The following SPRED1 variants were observed in gnomAD, a reference collection of about 807,000 sequenced individuals.
The protein encoded by SPRED1 is sprouty related EVH1 domain containing 1.
Under a neutral mutation model 52.3 loss-of-function variants are expected in SPRED1, and 18 were observed. That is an observed-to-expected ratio of 0.34 (90% CI 0.24 to 0.51). SPRED1 has a LOEUF of 0.51. Among genes scored for constraint, SPRED1 ranks in the 20% least tolerant of loss-of-function variants. SPRED1 has a pLI of 0.97. For synonymous variants in SPRED1, 155 were observed against 179.7 expected (o/e 0.86, Z 1.10); for missense variants, 485 against 551.0 (o/e 0.88, Z 1.20).
intron 2 of SPRED1, among the ~76,000 whole-genome samples, chr15:38,316,190 T>C (rs1188489537): frequency 3.9e-5 from 6 of 152,000 alleles, no homozygotes; most frequent in African/African-American, 1.4e-4. Context: ...CCTGGTGTAG[T>C]ATAAGGAAAC....
At chr15:38,263,517 G>A (rs1186230996) in intron 1 of SPRED1, among the ~76,000 whole-genome samples, 1 of 152,196 alleles carries the variant, frequency 6.6e-6, no homozygotes, top group Non-Finnish European at 1.5e-5. Context: ...GACGCCAAAA[G>A]ACGGAAGTGG....
intron 5 of SPRED1, among the ~76,000 whole-genome samples, chr15:38,343,026 G>T (rs184630292): frequency 2.0e-4 from 30 of 152,248 alleles, no homozygotes; most frequent in Admixed American, 1.8e-3. Flanking sequence ...AGTGAGTTAA[G>T]AAAGAGCGGT....
chr15:38,321,092 T>C (rs8038136), intron 2 of SPRED1, among the ~76,000 whole-genome samples: 139,225 of 152,184 alleles, frequency 0.91, 64,955 homozygotes, highest in East Asian at 1. Context: ...CATAAGAGAA[T>C]AGTATTGCAC....
At position 38,351,899 on chromosome 15, in the gene SPRED1, G is replaced by T; in HGVS notation, c.*235G>T. The T allele has an allele frequency of 1.7e-6, 1 of 589,176 alleles. No individual in the cohort carries two copies. The highest frequency in any genetic ancestry group is 3.0e-6 in the Non-Finnish European group (1 of 335,128). The allele number at this position is 589,176 out of a possible 1,614,324, so 36.5% of individuals were successfully genotyped here. On this transcript the variant is annotated 3_prime_UTR_variant, in exon 7 of 7. Transcript: ENST00000299084. ...GTATTTGCAGAAGGAAACCATTTCT[G>T]GTTATTTGGCTATAAAAAGTCAGCA...
At chr15:38,350,228 C>G (rs1888453139) in intron 6 of SPRED1, among the ~76,000 whole-genome samples, 1 of 152,160 alleles carries the variant, frequency 6.6e-6, no homozygotes, top group South Asian at 2.1e-4. Flanking sequence ...TCTTCTGAGG[C>G]CTTTCTTCTT....
At position 38,253,271 on chromosome 15, in the gene SPRED1, G is replaced by A. The variant is rs181208172; in HGVS notation, c.32+54G>A. On this transcript the variant is annotated intron_variant, in intron 1 of 6. Coordinates refer to ENST00000299084, the MANE Select transcript of SPRED1 (RefSeq NM_152594.3). ...ATCCCCCTCCCCCTATCCGCCCTCG[G>A]CTCTCCCCCAGACCCATCCGAAACT... The A allele has an allele frequency of 8.4e-5, 129 of 1,533,236 alleles. No homozygotes were observed. The African/African-American group carries it at 1.5e-3, about 18-fold the overall frequency. The allele number at this position is 1,533,236 out of a possible 1,614,324, so 95.0% of individuals were successfully genotyped here. A position where few individuals can be genotyped will look rare whatever the true frequency, so the allele number is the denominator to read the frequency against.
rs1308289840 is a variant in SPRED1 at position 38,351,922 on chromosome 15, G to A, written c.*258G>A. ...CTGGTTATTTGGCTATAAAAAGTCAGCATAAAATATGATCCAACTAAAAGG... is the reference window on the plus strand; with the variant it reads ...CTGGTTATTTGGCTATAAAAAGTCAACATAAAATATGATCCAACTAAAAGG... On this transcript the variant is annotated 3_prime_UTR_variant, in exon 7 of 7. Coordinates refer to ENST00000299084, the MANE Select transcript of SPRED1 (RefSeq NM_152594.3). 1.8e-5 allele frequency: 10 copies of A among 556,794 alleles called. No homozygotes were observed. Among genetic ancestry groups the A allele is most frequent in the Non-Finnish European group, 1.9e-5 (6 of 313,332 alleles). 34.5% of individuals were successfully genotyped at this position (556,794 alleles called of 1,614,324 possible).
At chr15:38,307,112 C>T (rs540094315) in intron 2 of SPRED1, among the ~76,000 whole-genome samples, 2 of 152,304 alleles carry the variant, frequency 1.3e-5, no homozygotes, top group East Asian at 3.9e-4. Context: ...CTCAAATTAT[C>T]GACCATACTT....
intron 4 of SPRED1, among the ~76,000 whole-genome samples, chr15:38,329,832 A>G (rs1895774907): frequency 6.6e-6 from 1 of 152,136 alleles, no homozygotes; most frequent in Admixed American, 6.5e-5. Context: ...CATTGGGATC[A>G]TACTTCTAAA....
At position 38,299,491 on chromosome 15, in the gene SPRED1, G is replaced by A; in HGVS notation, c.151G>A (p.Glu51Lys). ...CACTGTCTTCAAAGTCCCTCATCAG[G>A]AAGAGAATGGCTGTGCTGACTTTTT... is the stretch of plus-strand genomic sequence containing the variant. Reference protein sequence around the residue: ...SVTVFKVPHQEENGCADFFIR... With the variant: ...SVTVFKVPHQKENGCADFFIR... The change falls in exon 2 of 7, where the codon GAA (glutamate) becomes AAA (lysine). Residue 51 changes from glutamate to lysine, a missense_variant. Around this residue, in one of 5 missense-constraint regions of SPRED1, gnomAD observed 232 missense variants for 231.8 expected, o/e 1.00. Coordinates refer to ENST00000299084, the MANE Select transcript of SPRED1 (RefSeq NM_152594.3). 1 of 1,614,032 alleles carries A rather than the reference G, an allele frequency of 6.2e-7. No homozygotes were observed. The highest frequency in any genetic ancestry group is 8.5e-7 in the Non-Finnish European group (1 of 1,179,944).
intron 4 of SPRED1, among the ~76,000 whole-genome samples, chr15:38,339,389 CTAA>C (rs1043132630): frequency 2.0e-5 from 3 of 152,042 alleles, no homozygotes; most frequent in African/African-American, 7.2e-5. Context: ...TGTTTTCTTC[CTAA>C]TAATTTCTGC....
At chr15:38,290,317 G>A (rs1258303010) in intron 1 of SPRED1, among the ~76,000 whole-genome samples, 1 of 152,110 alleles carries the variant, frequency 6.6e-6, no homozygotes, top group Non-Finnish European at 1.5e-5. Flanking sequence ...AGAAGGCAGG[G>A]GACATTCGAA....
intron 4 of SPRED1, among the ~76,000 whole-genome samples, chr15:38,336,418 G>GTGTA (rs1895918793): frequency 2.8e-5 from 1 of 35,104 alleles, no homozygotes; most frequent in Non-Finnish European, 7.3e-5. Flanking sequence ...ATGTGTATGT[G>GTGTA]TGTGTATATA....
At chr15:38,271,347 A>G (rs1894430717) in intron 1 of SPRED1, among the ~76,000 whole-genome samples, 1 of 152,234 alleles carries the variant, frequency 6.6e-6, no homozygotes, top group African/African-American at 2.4e-5. Context: ...CTGGGCTAAT[A>G]GAAACAGCCA....
intron 2 of SPRED1, 112 bp downstream of exon 2, chr15:38,299,659 T>A: frequency 9.0e-7 from 1 of 1,109,510 alleles, no homozygotes; most frequent in African/African-American, 1.6e-5. Flanking sequence ...TAATTATGTT[T>A]CTGGAGCTGT....
chr15:38,283,064 A>G (rs908982449), intron 1 of SPRED1, among the ~76,000 whole-genome samples: 1 of 152,188 alleles, frequency 6.6e-6, no homozygotes, highest in Non-Finnish European at 1.5e-5. Flanking sequence ...GAGACTGGGT[A>G]ATTATAAAAG....
At chr15:38,270,780 CTTG>C (rs962088406) in intron 1 of SPRED1, among the ~76,000 whole-genome samples, 12 of 152,096 alleles carry the variant, frequency 7.9e-5, no homozygotes, top group Admixed American at 5.9e-4. Context: ...TTTCTTAATA[CTTG>C]TTGAATTTTA....
At chr15:38,331,561 G>A (rs1895807339) in intron 4 of SPRED1, among the ~76,000 whole-genome samples, 1 of 152,088 alleles carries the variant, frequency 6.6e-6, no homozygotes, top group Admixed American at 6.6e-5. Flanking sequence ...AATTCAGAAT[G>A]TTCCAAAATT....
intron 2 of SPRED1, among the ~76,000 whole-genome samples, chr15:38,311,479 CT>C (rs1359532993): frequency 1.3e-5 from 2 of 152,022 alleles, no homozygotes; most frequent in African/African-American, 4.8e-5. Context: ...ATTCTGTTTT[CT>C]GGAAAAGACT....
Sources: gnomAD v4.1 joint callset for allele counts (sites outside exome capture counted in the v4.1 genomes callset) on GRCh38, gnomAD v4.1.1 for gene constraint, gnomAD v4.1.1 regional missense constraint, MANE v1.5 for transcripts, NCBI Gene and HGNC (gene_info 2026-07-23, HGNC 2026-07-21) for gene names.